CEP120: variants seen among roughly 807,000 people sequenced by gnomAD.
The protein encoded by CEP120 is centrosomal protein of 120 kDa.
In CEP120, 113 loss-of-function variants were observed where a neutral mutation model predicts 126.5. The ratio of observed to expected loss-of-function variants is 0.89; its 90% CI spans 0.77 to 1.04. The LOEUF (loss-of-function observed/expected upper bound fraction) is 1.04, where lower values mean the gene tolerates loss of function less well. Among genes scored for constraint, CEP120 ranks in the 50% least tolerant of loss-of-function variants. The pLI is 0.00. For synonymous variants in CEP120, 400 were observed against 394.3 expected (o/e 1.01, Z -0.17); for missense variants, 1,230 against 1,155.7 (o/e 1.06, Z -0.93).
chr5:123,393,611 T>A, intron 5 of CEP120, 114 bp from the exon 6 acceptor site: 1 of 802,286 alleles, frequency 1.2e-6, no homozygotes, highest in Non-Finnish European at 1.9e-6. Context: ...TTTGATGTCT[T>A]AACCGCTCAA....
At chr5:123,384,099 T>C (rs1269534988) in intron 11 of CEP120, among the ~76,000 whole-genome samples, 1 of 152,128 alleles carries the variant, frequency 6.6e-6, no homozygotes, top group Non-Finnish European at 1.5e-5. Context: ...AAAGTTAATA[T>C]TCATAACAAA....
At chr5:123,357,166 T>C (rs1433573476) in intron 18 of CEP120, among the ~76,000 whole-genome samples, 1 of 152,176 alleles carries the variant, frequency 6.6e-6, no homozygotes, top group Non-Finnish European at 1.5e-5. Context: ...CATTGCTCCT[T>C]TGAAGGCAAT....
rs769152785 is a variant in CEP120, at chr5:123,382,761, C to A, written c.1989G>T (p.Met663Ile). 4 of 1,612,080 alleles carry A rather than the reference C, an allele frequency of 2.5e-6. No individual in the cohort carries two copies. ...AALELEMWKE[M>I]QEDIFENQLK... ...CCTGATTTTCAAATATATCTTCTTG[C>A]ATCTCCTTCCACATTTCTAGCTCAA... is the stretch of plus-strand genomic sequence containing the variant. The change falls in exon 13 of 20, where the codon ATG becomes ATT. Residue 663 changes from methionine to isoleucine, a missense_variant. Met to Ile is a conservative substitution (Grantham distance 10, BLOSUM62 1). Transcript: ENST00000306467.
At chr5:123,350,135 A>G (rs1193049202) in intron 18 of CEP120, 46 bp from the exon 19 acceptor site, 1 of 1,505,294 alleles carries the variant, frequency 6.6e-7, no homozygotes, top group Non-Finnish European at 9.1e-7. Flanking sequence ...TATTAGGAAC[A>G]AATATTTTAT....
chr5:123,350,281 G>A (rs1769119786), intron 18 of CEP120, among the ~76,000 whole-genome samples, 192 bp from the exon 19 acceptor site: 1 of 151,922 alleles, frequency 6.6e-6, no homozygotes. Flanking sequence ...CAGGAGCAAC[G>A]AAGCACACTA....
intron 19 of CEP120, 108 bp downstream of exon 19, chr5:123,349,836 A>C (rs1327664243): frequency 4.6e-6 from 4 of 877,662 alleles, no homozygotes; most frequent in Non-Finnish European, 5.2e-6. Flanking sequence ...TGTCTGCTAC[A>C]TTTTATATAT....
At chr5:123,356,096 G>A (rs1005336030) in intron 18 of CEP120, among the ~76,000 whole-genome samples, 30 of 152,076 alleles carry the variant, frequency 2.0e-4, no homozygotes, top group African/African-American at 5.5e-4. Context: ...GTAGATATGC[G>A]GCATTATTTC....
rs1772537191 is a variant in CEP120, at chr5:123,393,440, A to G, written c.670T>C (p.Ser224Pro). 3 of 1,614,152 alleles carry G rather than the reference A, an allele frequency of 1.9e-6. No homozygotes were observed. The highest frequency in any genetic ancestry group is 2.5e-6 in the Non-Finnish European group (3 of 1,180,000). The change falls in exon 6 of 20, where the codon TCT (serine) becomes CCT (proline). Residue 224 changes from serine (S) to proline (P), a missense_variant. Coordinates refer to ENST00000306467, the MANE Select transcript of CEP120 (RefSeq NM_001375405.1). ...TTTGTAACATCATTTCCCAGTAAAGAGTAGTAAAAGAAAAACTCAGGCTGT... is the reference window on the plus strand; with the variant it reads ...TTTGTAACATCATTTCCCAGTAAAGGGTAGTAAAAGAAAAACTCAGGCTGT... ...ERQPEFFFYY[S>P]LLGNDVTNEP... is the part of the protein sequence containing the mutation.
At chr5:123,379,091 T>A (rs1027502450) in intron 14 of CEP120, among the ~76,000 whole-genome samples, 2 of 151,870 alleles carry the variant, frequency 1.3e-5, no homozygotes, top group African/African-American at 4.8e-5. Flanking sequence ...AAGACAGAGA[T>A]AAACCGGGTA....
Position 123,378,374 on chromosome 5 carries a change from CCAAGT to C in CEP120, c.2153_2157del (p.Asp718GlyfsTer9), listed in dbSNP as rs777049369. Reference sequence around the variant, plus strand: ...CTAGCAAGCTGCTGCTCTCGCTTCTCCAAGTCAATTAGAGTTTTTTGAAGTTTTCC... The same window carrying C: ...CTAGCAAGCTGCTGCTCTCGCTTCTCCAATTAGAGTTTTTTGAAGTTTTCC... On this transcript the variant is annotated frameshift_variant, in exon 15 of 20. Transcript: ENST00000306467. LOFTEE classifies it high-confidence loss of function. 6.2e-7 allele frequency: 1 copy of C among 1,608,502 alleles called. No individual in the cohort carries two copies. The highest frequency in any genetic ancestry group is 8.5e-7 in the Non-Finnish European group (1 of 1,177,862).
intron 15 of CEP120, 109 bp downstream of exon 15, chr5:123,378,227 G>T: frequency 1.4e-6 from 1 of 714,448 alleles, no homozygotes; most frequent in Non-Finnish European, 2.3e-6. Flanking sequence ...AGCCCATCCT[G>T]AGTCCCTTCT....
At chr5:123,397,501 CAAT>C (rs1205722930) in intron 5 of CEP120, among the ~76,000 whole-genome samples, 1 of 151,266 alleles carries the variant, frequency 6.6e-6, no homozygotes, top group Non-Finnish European at 1.5e-5. Context: ...AAACTATTAA[CAAT>C]CCATAAGCAG....
At chr5:123,381,768 T>A (rs1580682597) in intron 14 of CEP120, among the ~76,000 whole-genome samples, 2 of 120,556 alleles carry the variant, frequency 1.7e-5, no homozygotes, top group Non-Finnish European at 3.8e-5. Flanking sequence ...CACACACATA[T>A]TTTTTTTTAA....
chr5:123,367,277 A>C (rs1770532585), intron 17 of CEP120, among the ~76,000 whole-genome samples: 1 of 151,844 alleles, frequency 6.6e-6, no homozygotes, highest in Non-Finnish European at 1.5e-5. Flanking sequence ...TACATACATA[A>C]ATTTTAGCTT....
At chr5:123,353,885 G>T (rs1357124810) in intron 18 of CEP120, among the ~76,000 whole-genome samples, 1 of 151,916 alleles carries the variant, frequency 6.6e-6, no homozygotes, top group Non-Finnish European at 1.5e-5. Flanking sequence ...TCCTTTCAAA[G>T]ACATGACTTT....
At chr5:123,422,020 T>C (rs1404160277) in intron 1 of CEP120, among the ~76,000 whole-genome samples, 1 of 152,210 alleles carries the variant, frequency 6.6e-6, no homozygotes, top group African/African-American at 2.4e-5. Flanking sequence ...CTTAACATAC[T>C]ATTCGTAAAG....
At chr5:123,387,133 G>T (rs534725617) in intron 9 of CEP120, among the ~76,000 whole-genome samples, 6 of 152,222 alleles carry the variant, frequency 3.9e-5, no homozygotes, top group African/African-American at 1.4e-4. Flanking sequence ...ACAAAGCCAT[G>T]CTAGATTAAA....
chr5:123,408,380 A>C (rs745417390), intron 4 of CEP120, among the ~76,000 whole-genome samples: 1 of 151,934 alleles, frequency 6.6e-6, no homozygotes, highest in African/African-American at 2.4e-5. Context: ...GCCAGGCTCA[A>C]TAAGAAAAAA....
rs777750172 is a variant in CEP120, at chr5:123,416,173, T to C, written c.207-49A>G. 11 of 1,034,384 alleles carry C rather than the reference T, an allele frequency of 1.1e-5. No homozygotes were observed. The Admixed American group carries it at 2.1e-4, about 20-fold the overall frequency. The allele number at this position is 1,034,384 out of a possible 1,614,324, so 64.1% of individuals were successfully genotyped here. On this transcript the variant is annotated intron_variant, in intron 2 of 19. Coordinates refer to ENST00000306467, the MANE Select transcript of CEP120 (RefSeq NM_001375405.1). ...AAAATGGTTTTTGCTTAATAAACTT[T>C]CTATTGGCCTTGAAAATATTTCCTA...
Sources: allele counts gnomAD v4.1 joint callset (sites outside exome capture counted in the v4.1 genomes callset), GRCh38; gene constraint gnomAD v4.1.1; transcripts MANE v1.5; gene names NCBI Gene and HGNC (gene_info 2026-07-23, HGNC 2026-07-21).